Variants in TAF4 observed in about 807,000 individuals in gnomAD.
The protein encoded by TAF4 is TATA-box binding protein associated factor 4.
TAF4 carries 9 observed loss-of-function variants against 90.3 expected under a neutral mutation model. The observed-to-expected ratio is 0.10, with a 90% CI of 0.06 to 0.17. The LOEUF is 0.17. Among genes scored for constraint, TAF4 ranks in the 10% least tolerant of loss-of-function variants. The pLI is 1.00. For synonymous variants in TAF4, 818 were observed against 638.9 expected (o/e 1.28, Z -4.23); for missense variants, 1,351 against 1,370.7 (o/e 0.99, Z 0.23).
At chr20:62,033,548 C>T (rs1340407942) in intron 1 of TAF4, among the ~76,000 whole-genome samples, 1 of 152,132 alleles carries the variant, frequency 6.6e-6, no homozygotes, top group Non-Finnish European at 1.5e-5. Context: ...ATCAGCCTGG[C>T]TAACATGGCG....
chr20:62,061,722 G>A (rs960241836), intron 1 of TAF4, among the ~76,000 whole-genome samples: 2 of 152,054 alleles, frequency 1.3e-5, no homozygotes, highest in East Asian at 3.9e-4. Flanking sequence ...CGTGATCTTG[G>A]GACAACTGTG....
chr20:62,048,247 G>A (rs1281664897), intron 1 of TAF4, among the ~76,000 whole-genome samples: 1 of 152,192 alleles, frequency 6.6e-6, no homozygotes, highest in Non-Finnish European at 1.5e-5. Flanking sequence ...GAGTTCTGTT[G>A]TACCACAAAT....
At chr20:61,997,474 C>T (rs748187699) in intron 14 of TAF4, 76 bp downstream of exon 14, 55 of 1,379,078 alleles carry the variant, frequency 4.0e-5, no homozygotes, top group East Asian at 2.7e-5. Context: ...TATGTGTGTC[C>T]GTCCCCTAGA....
intron 14 of TAF4, among the ~76,000 whole-genome samples, chr20:61,982,207 G>C (rs1342966439): frequency 1.9e-4 from 16 of 82,316 alleles, no homozygotes; most frequent in South Asian, 7.0e-4. Flanking sequence ...CCACCCGAGA[G>C]GAGACACCAA....
intron 14 of TAF4, among the ~76,000 whole-genome samples, chr20:61,992,746 G>A (rs936426933): frequency 2.6e-5 from 4 of 152,102 alleles, no homozygotes; most frequent in Non-Finnish European, 4.4e-5. Flanking sequence ...TGACTTTTTC[G>A]GTCTGAAACA....
At chr20:61,983,928 AAGAC>A (rs1311101433) in intron 14 of TAF4, among the ~76,000 whole-genome samples, 1 of 152,206 alleles carries the variant, frequency 6.6e-6, no homozygotes, top group Non-Finnish European at 1.5e-5. Flanking sequence ...ACGTGTGACA[AAGAC>A]AGATACTTTC....
At chr20:62,002,874 A>G (rs1450195097) in intron 9 of TAF4, among the ~76,000 whole-genome samples, 1 of 152,212 alleles carries the variant, frequency 6.6e-6, no homozygotes, top group South Asian at 2.1e-4. Flanking sequence ...ATGAACTCAA[A>G]ATACGATGTT....
chr20:62,014,026 G>C (rs1568932190), intron 2 of TAF4, among the ~76,000 whole-genome samples: 1 of 104,828 alleles, frequency 9.5e-6, no homozygotes, highest in African/African-American at 3.0e-5. Context: ...GTGGGTGTGT[G>C]TGTGTGTGTG....
At chr20:62,041,293 G>T (rs2055962480) in intron 1 of TAF4, among the ~76,000 whole-genome samples, 1 of 152,156 alleles carries the variant, frequency 6.6e-6, no homozygotes, top group Admixed American at 6.5e-5. Context: ...TCCCCTCCAA[G>T]AATTTTTATG....
intron 1 of TAF4, among the ~76,000 whole-genome samples, chr20:62,025,950 C>T (rs187256756): frequency 2.7e-4 from 41 of 152,202 alleles, no homozygotes; most frequent in African/African-American, 8.2e-4. Context: ...GCACATTTGT[C>T]GAAACTCACC....
At chr20:62,047,817 G>A (rs911512418) in intron 1 of TAF4, among the ~76,000 whole-genome samples, 9 of 152,310 alleles carry the variant, frequency 5.9e-5, no homozygotes, top group East Asian at 3.9e-4. Context: ...ACAAACGCAC[G>A]CTATCCAATG....
In TAF4 at chr20:62,039,578, G is replaced by A. The variant is rs560397320; in HGVS notation, c.1361-24871C>T. Among the ~76,000 whole-genome samples the A allele has an allele frequency of 3.9e-5, 6 of 152,262 alleles. No individual in the cohort carries two copies. The South Asian group carries it at 1.2e-3, about 32-fold the overall frequency. Reference sequence around the variant, plus strand: ...ACTGGATTTATTTAAGAAGGCACAGGACGAATTCTTAAAATGATACACTGG... The same window carrying A: ...ACTGGATTTATTTAAGAAGGCACAGAACGAATTCTTAAAATGATACACTGG... On this transcript the variant is annotated intron_variant, in intron 1 of 14. Coordinates refer to ENST00000252996, the MANE Select transcript of TAF4 (RefSeq NM_003185.4).
Position 62,064,593 on chromosome 20 carries a change from G to A in TAF4, c.1218C>T (p.Gly406=). The change falls in exon 1 of 15, where the codon GGC becomes GGT. Residue 406 remains glycine, a synonymous_variant. Coordinates refer to ENST00000252996, the MANE Select transcript of TAF4 (RefSeq NM_003185.4). The part of the protein sequence containing the change: ...TPTGLPKGAA[G]AVTQSLSRTP... ...TCCGGGACAGGCTCTGGGTCACTGC[G>A]CCGGCCGCGCCTTTGGGCAGCCCGG... The A allele has an allele frequency of 1.4e-6, 2 of 1,469,400 alleles. No homozygotes were observed. Among genetic ancestry groups the A allele is most frequent in the Non-Finnish European group, 1.8e-6 (2 of 1,113,790 alleles). The allele number at this position is 1,469,400 out of a possible 1,614,324, so 91.0% of individuals were successfully genotyped here.
intron 1 of TAF4, among the ~76,000 whole-genome samples, chr20:62,050,558 G>T (rs1466563041): frequency 6.7e-6 from 1 of 150,280 alleles, no homozygotes; most frequent in South Asian, 2.1e-4. Flanking sequence ...ACCAAAACAA[G>T]AGTAAAGGAA....
intron 4 of TAF4, 67 bp downstream of exon 4, chr20:62,009,979 G>C (rs2055768862): frequency 1.2e-6 from 2 of 1,601,514 alleles, no homozygotes; most frequent in Non-Finnish European, 8.5e-7. Context: ...AGGTCTCAAG[G>C]CTGCATTTTC....
At chr20:61,988,221 G>A (rs1029734329) in intron 14 of TAF4, among the ~76,000 whole-genome samples, 2 of 151,780 alleles carry the variant, frequency 1.3e-5, no homozygotes, top group African/African-American at 4.8e-5. Flanking sequence ...GGGTGAGAAG[G>A]ACGTGTTGAC....
At chr20:62,034,500 T>A (rs1259301654) in intron 1 of TAF4, among the ~76,000 whole-genome samples, 1 of 151,998 alleles carries the variant, frequency 6.6e-6, no homozygotes, top group Non-Finnish European at 1.5e-5. Flanking sequence ...AATTTTTTTT[T>A]AATTTTTTGT....
chr20:61,988,344 C>T (rs1209379915), intron 14 of TAF4, among the ~76,000 whole-genome samples: 3 of 152,038 alleles, frequency 2.0e-5, no homozygotes, highest in African/African-American at 7.2e-5. Context: ...CTCCTTTTTC[C>T]GTGAACCTAA....
chr20:62,003,050 C>T, intron 9 of TAF4, 110 bp downstream of exon 9: 1 of 820,708 alleles, frequency 1.2e-6, no homozygotes, highest in Non-Finnish European at 1.9e-6. Context: ...GGAGCCCCGG[C>T]CGCCAGGGCC....
Sources: allele counts gnomAD v4.1 joint callset (sites outside exome capture counted in the v4.1 genomes callset), GRCh38; gene constraint gnomAD v4.1.1; transcripts MANE v1.5; gene names NCBI Gene and HGNC (gene_info 2026-07-23, HGNC 2026-07-21).